The following MAF variants were observed in gnomAD, a reference collection of about 807,000 sequenced individuals.
The protein encoded by MAF is MAF bZIP transcription factor, also known as transcription factor Maf.
In MAF, 10 loss-of-function variants were observed where a neutral mutation model predicts 22.0. The observed-to-expected ratio is 0.45, with a 90% CI of 0.28 to 0.77. The LOEUF is 0.77. Among genes scored for constraint, MAF ranks in the 30% least tolerant of loss-of-function variants. MAF has a pLI of 0.12. For missense variants in MAF, 544 were observed against 548.4 expected (o/e 0.99, Z 0.08); for synonymous variants, 337 against 255.8 (o/e 1.32, Z -3.03).
At chr16:79,308,537 C>T in the MAF span, among the ~76,000 whole-genome samples, 11 of 152,132 alleles carry the variant, frequency 7.2e-5, no homozygotes, top group African/African-American at 2.7e-4. Flanking sequence ...TGTTGAAATG[C>T]TAGCAAAAGC....
the MAF span, among the ~76,000 whole-genome samples, chr16:79,464,493 A>C: frequency 5.3e-5 from 8 of 152,306 alleles, no homozygotes; most frequent in African/African-American, 1.7e-4. Flanking sequence ...GAATGATTTC[A>C]TGCTTGCCCT....
chr16:79,453,851 G>A, the MAF span, among the ~76,000 whole-genome samples: 1 of 152,162 alleles, frequency 6.6e-6, no homozygotes, highest in African/African-American at 2.4e-5. Context: ...GACATCTTAA[G>A]AAGATGTGGA....
At chr16:79,240,487 GAAAAAAAAAAAAAAAAA>G in the MAF span, among the ~76,000 whole-genome samples, 33 of 60,736 alleles carry the variant, frequency 5.4e-4, no homozygotes, top group Middle Eastern at 0.01. Flanking sequence ...AGCATCTCTG[GAAAAAAAAAAAAAAAAA>G]AAAAAAAAAA....
chr16:79,268,412 T>C, the MAF span, among the ~76,000 whole-genome samples: 3 of 152,120 alleles, frequency 2.0e-5, no homozygotes, highest in Non-Finnish European at 4.4e-5. Flanking sequence ...ATCTGTCAAA[T>C]GGTCATAGTA....
the MAF span, among the ~76,000 whole-genome samples, chr16:79,347,343 G>C: frequency 2.5e-4 from 38 of 152,326 alleles, no homozygotes; most frequent in African/African-American, 8.4e-4. Flanking sequence ...CACCTAGTGA[G>C]TGGGTCACAG....
chr16:79,366,974 G>C, the MAF span, among the ~76,000 whole-genome samples: 1 of 152,130 alleles, frequency 6.6e-6, no homozygotes, highest in Admixed American at 6.5e-5. Context: ...GTAAATATTA[G>C]TTGCCATTGT....
At chr16:79,344,207 G>C in the MAF span, among the ~76,000 whole-genome samples, 1 of 152,186 alleles carries the variant, frequency 6.6e-6, no homozygotes, top group African/African-American at 2.4e-5. Flanking sequence ...CAGCCCAGGA[G>C]TTAGGAGTCC....
the MAF span, among the ~76,000 whole-genome samples, chr16:79,498,518 C>G: frequency 2.0e-5 from 3 of 152,222 alleles, no homozygotes; most frequent in Non-Finnish European, 2.9e-5. Flanking sequence ...CTTCACTTTG[C>G]CTGCTCCTGG....
the MAF span, among the ~76,000 whole-genome samples, chr16:79,441,194 A>C: frequency 3.9e-4 from 59 of 152,314 alleles, no homozygotes; most frequent in South Asian, 0.012. Context: ...ATACTTCTGA[A>C]TTATCCATTA....
chr16:79,542,855 C>T, the MAF span, among the ~76,000 whole-genome samples: 2 of 152,188 alleles, frequency 1.3e-5, no homozygotes, highest in African/African-American at 4.8e-5. Context: ...AGTGTCAAGG[C>T]AGTTGGTTTC....
intron 1 of MAF, among the ~76,000 whole-genome samples, chr16:79,588,689 T>A (rs1373949352): frequency 6.6e-6 from 1 of 152,132 alleles, no homozygotes; most frequent in Non-Finnish European, 1.5e-5. Context: ...CTCAAACTCC[T>A]GACCTCAGGT....
chr16:79,494,114 T>G, the MAF span, among the ~76,000 whole-genome samples: 55 of 152,308 alleles, frequency 3.6e-4, no homozygotes, highest in South Asian at 1.0e-3. Flanking sequence ...ACAGTTGTAT[T>G]GGTTTTCCAT....
At chr16:79,413,125 T>A in the MAF span, among the ~76,000 whole-genome samples, 14 of 151,532 alleles carry the variant, frequency 9.2e-5, no homozygotes, top group Non-Finnish European at 1.6e-4. Context: ...CAGGACAAGT[T>A]GTGACATAAA....
the MAF span, among the ~76,000 whole-genome samples, chr16:79,445,723 A>G: frequency 2.0e-5 from 3 of 152,216 alleles, no homozygotes; most frequent in African/African-American, 7.2e-5. Context: ...TTTGCATCAG[A>G]CGCTCCCTCA....
the MAF span, among the ~76,000 whole-genome samples, chr16:79,431,335 T>A: frequency 2.0e-5 from 3 of 152,232 alleles, no homozygotes; most frequent in African/African-American, 7.2e-5. Context: ...ACCTGCAATC[T>A]GGATTTGAAT....
At chr16:79,489,001 G>C in the MAF span, among the ~76,000 whole-genome samples, 1 of 152,196 alleles carries the variant, frequency 6.6e-6, no homozygotes, top group African/African-American at 2.4e-5. Flanking sequence ...GCCAGAGGGA[G>C]AGATGAACTA....
chr16:79,578,746 A>AT, the MAF span, among the ~76,000 whole-genome samples: 5 of 152,166 alleles, frequency 3.3e-5, no homozygotes, highest in Non-Finnish European at 7.3e-5. Flanking sequence ...ATCGCAAATT[A>AT]CTTTTTCCTT....
the MAF span, among the ~76,000 whole-genome samples, chr16:79,433,387 A>G: frequency 9.9e-5 from 15 of 151,886 alleles, no homozygotes; most frequent in Non-Finnish European, 2.9e-5. Flanking sequence ...TGAAAACTAT[A>G]TAACTGATTG....
chr16:79,359,320 T>C, the MAF span, among the ~76,000 whole-genome samples: 4 of 152,190 alleles, frequency 2.6e-5, no homozygotes, highest in African/African-American at 9.7e-5. Flanking sequence ...CAGTAGCTTT[T>C]ACAGAGGCGT....
Sources: gnomAD v4.1 joint callset for allele counts (sites outside exome capture counted in the v4.1 genomes callset) on GRCh38, gnomAD v4.1.1 for gene constraint, MANE v1.5 for transcripts, NCBI Gene and HGNC (gene_info 2026-07-23, HGNC 2026-07-21) for gene names.